NFIB: variants seen among roughly 807,000 people sequenced by gnomAD.
NFIB encodes nuclear factor 1 B-type.
NFIB carries 11 observed loss-of-function variants against 61.5 expected under a neutral mutation model. The ratio of observed to expected loss-of-function variants is 0.18; its 90% CI spans 0.11 to 0.30. The LOEUF is 0.30. Ranked by LOEUF, NFIB falls within the 10% of genes least tolerant of loss-of-function variation. NFIB has a pLI of 1.00. For missense variants in NFIB, 471 were observed against 608.9 expected (o/e 0.77, Z 2.38); for synonymous variants, 260 against 216.5 (o/e 1.20, Z -1.76).
chr9:14,486,112 G>C, the NFIB span, among the ~76,000 whole-genome samples: 1 of 152,178 alleles, frequency 6.6e-6, no homozygotes, highest in Non-Finnish European at 1.5e-5. Context: ...ATATCTTCAA[G>C]ATAAGTAAAA....
chr9:14,525,782 TA>T, the NFIB span, among the ~76,000 whole-genome samples: 3 of 152,258 alleles, frequency 2.0e-5, no homozygotes, highest in East Asian at 5.8e-4. Flanking sequence ...TGTGAATTTT[TA>T]AAAACTCAAC....
intron 2 of NFIB, among the ~76,000 whole-genome samples, chr9:14,211,577 C>T (rs966666237): frequency 3.3e-5 from 5 of 152,172 alleles, no homozygotes; most frequent in African/African-American, 1.2e-4. Context: ...ACTGGACAAA[C>T]TGCAATTTGA....
intron 2 of NFIB, among the ~76,000 whole-genome samples, chr9:14,265,656 ACCACC>A (rs2057135895): frequency 1.3e-5 from 2 of 152,180 alleles, no homozygotes; most frequent in African/African-American, 4.8e-5. Flanking sequence ...CAATATGTTG[ACCACC>A]ATATCCCTCT....
At chr9:14,237,219 T>G (rs1233274515) in intron 2 of NFIB, among the ~76,000 whole-genome samples, 1 of 152,236 alleles carries the variant, frequency 6.6e-6, no homozygotes, top group Non-Finnish European at 1.5e-5. Context: ...CTATCAGGTC[T>G]GAGAACTGAA....
intron 2 of NFIB, among the ~76,000 whole-genome samples, chr9:14,302,126 A>C (rs1238135415): frequency 6.6e-6 from 1 of 152,212 alleles, no homozygotes; most frequent in Non-Finnish European, 1.5e-5. Flanking sequence ...ATGAAAGCTT[A>C]TTTTTTCCCA....
chr9:14,452,612 G>A, the NFIB span, among the ~76,000 whole-genome samples: 1 of 152,290 alleles, frequency 6.6e-6, no homozygotes, highest in Admixed American at 6.5e-5. Context: ...TCATCTGTCA[G>A]AATATAATGA....
intron 8 of NFIB, among the ~76,000 whole-genome samples, chr9:14,116,665 C>T (rs897346329): frequency 3.3e-5 from 5 of 152,224 alleles, no homozygotes; most frequent in African/African-American, 1.2e-4. Flanking sequence ...AAATGCTTAG[C>T]CCAAAGGCTA....
intron 1 of NFIB, among the ~76,000 whole-genome samples, chr9:14,322,875 C>T (rs115473478): frequency 0.012 from 1,857 of 152,074 alleles, 33 homozygotes; most frequent in African/African-American, 0.042. Context: ...TCGGGGGCTG[C>T]TGCCCAGGCT....
At chr9:14,190,703 T>G (rs181147210) in intron 2 of NFIB, among the ~76,000 whole-genome samples, 9 of 152,270 alleles carry the variant, frequency 5.9e-5, no homozygotes, top group Admixed American at 2.6e-4. Flanking sequence ...TCAATTATAC[T>G]GATAAAATAA....
chr9:14,273,752 A>C (rs1459339057), intron 2 of NFIB, among the ~76,000 whole-genome samples: 2 of 152,154 alleles, frequency 1.3e-5, no homozygotes, highest in African/African-American at 4.8e-5. Context: ...ACTTAATCTC[A>C]GCACGCATCT....
At chr9:14,459,006 G>GA in the NFIB span, among the ~76,000 whole-genome samples, 1 of 152,038 alleles carries the variant, frequency 6.6e-6, no homozygotes, top group Non-Finnish European at 1.5e-5. Context: ...CACAGAATTG[G>GA]AAAAAACTAC....
At chr9:14,447,120 A>G in the NFIB span, among the ~76,000 whole-genome samples, 3 of 152,106 alleles carry the variant, frequency 2.0e-5, no homozygotes, top group Non-Finnish European at 4.4e-5. Context: ...AGTTCTTTGA[A>G]AGTCTGTTTG....
chr9:14,526,582 T>C, the NFIB span, among the ~76,000 whole-genome samples: 2 of 152,224 alleles, frequency 1.3e-5, no homozygotes, highest in African/African-American at 4.8e-5. Context: ...AATTCTCTTT[T>C]CCTGCCCTGC....
the NFIB span, among the ~76,000 whole-genome samples, chr9:14,449,296 A>G: frequency 6.6e-6 from 1 of 152,112 alleles, no homozygotes; most frequent in South Asian, 2.1e-4. Context: ...TCAAACTTAT[A>G]TGCACATTGG....
intron 1 of NFIB, among the ~76,000 whole-genome samples, chr9:14,312,329 T>G (rs1292385095): frequency 6.6e-6 from 1 of 152,242 alleles, no homozygotes; most frequent in East Asian, 1.9e-4. Flanking sequence ...ATTAGATGTT[T>G]TTAAAATTTT....
At chr9:14,272,512 T>A (rs2057699607) in intron 2 of NFIB, among the ~76,000 whole-genome samples, 1 of 152,070 alleles carries the variant, frequency 6.6e-6, no homozygotes, top group Admixed American at 6.6e-5. Flanking sequence ...CTTCCTGCAA[T>A]ATCTTTAGTA....
At chr9:14,347,378 G>A (rs2061039213) in intron 1 of NFIB, 1 of 152,540 alleles carries the variant, frequency 6.6e-6, no homozygotes, top group Non-Finnish European at 1.5e-5. Flanking sequence ...AGGGGAGGGA[G>A]AGGACGGGAG....
At chr9:14,385,675 T>C (rs183685669) in intron 1 of NFIB, among the ~76,000 whole-genome samples, 1 of 152,338 alleles carries the variant, frequency 6.6e-6, no homozygotes, top group East Asian at 1.9e-4. Flanking sequence ...TTTCTGAGCA[T>C]GAGCACAATT....
intron 2 of NFIB, among the ~76,000 whole-genome samples, chr9:14,234,052 G>C (rs1051430642): frequency 2.0e-5 from 3 of 152,172 alleles, no homozygotes; most frequent in African/African-American, 7.2e-5. Flanking sequence ...TCAAGGAAAG[G>C]AGACTTAGAG....
Sources: gnomAD v4.1 joint callset for allele counts (sites outside exome capture counted in the v4.1 genomes callset) on GRCh38, gnomAD v4.1.1 for gene constraint, MANE v1.5 for transcripts, NCBI Gene and HGNC (gene_info 2026-07-23, HGNC 2026-07-21) for gene names.